PLXDC2: variants seen among roughly 807,000 people sequenced by gnomAD.
The protein encoded by PLXDC2 is plexin domain-containing protein 2.
Under a neutral mutation model 68.9 loss-of-function variants are expected in PLXDC2, and 40 were observed. The observed-to-expected ratio is 0.58, with a 90% CI of 0.45 to 0.76. The LOEUF is 0.76. Ranked by LOEUF, PLXDC2 falls within the 30% of genes least tolerant of loss-of-function variation. The probability of loss-of-function intolerance (pLI) is 0.00; values close to 1 mark genes in which losing one functional copy is unlikely to be tolerated. For missense variants in PLXDC2, 644 were observed against 661.9 expected (o/e 0.97, Z 0.30); for synonymous variants, 243 against 234.2 (o/e 1.04, Z -0.34).
At chr10:20,171,864 T>A (rs888927910) in intron 7 of PLXDC2, among the ~76,000 whole-genome samples, 8 of 151,998 alleles carry the variant, frequency 5.3e-5, no homozygotes, top group African/African-American at 1.9e-4. Context: ...AATCTCAGCA[T>A]TTTGGGAGGC....
At chr10:19,831,809 T>C (rs1442392359) in intron 1 of PLXDC2, among the ~76,000 whole-genome samples, 2 of 152,262 alleles carry the variant, frequency 1.3e-5, no homozygotes, top group Non-Finnish European at 2.9e-5. Flanking sequence ...TATCATATTT[T>C]CTTCATTCAG....
At chr10:20,203,691 A>G (rs940176997) in intron 9 of PLXDC2, among the ~76,000 whole-genome samples, 16 of 152,004 alleles carry the variant, frequency 1.1e-4, no homozygotes, top group East Asian at 5.8e-4. Flanking sequence ...TTGTAAATAC[A>G]TACATATTAG....
At chr10:19,980,383 G>T (rs189916431) in intron 1 of PLXDC2, among the ~76,000 whole-genome samples, 10 of 152,288 alleles carry the variant, frequency 6.6e-5, no homozygotes, top group Admixed American at 5.2e-4. Context: ...TCTTGTGTCA[G>T]CCTGTTAGGG....
At chr10:20,189,695 T>C (rs1186256322) in intron 9 of PLXDC2, among the ~76,000 whole-genome samples, 3 of 151,160 alleles carry the variant, frequency 2.0e-5, no homozygotes, top group Non-Finnish European at 4.4e-5. Flanking sequence ...AGATAGTACT[T>C]GACTTACTAG....
Position 20,275,919 on chromosome 10 carries a change from T to C in PLXDC2, c.1474-3784T>C, listed in dbSNP as rs564187269. 3.7e-4 allele frequency among the ~76,000 whole-genome samples: 56 copies of C among 149,614 alleles called. No homozygotes were observed. The South Asian group carries it at 0.012, about 31-fold the overall frequency. ...CAGAGTAAGACTCCATCTCAAAAAA[T>C]AATAATAATAAAATTAAATTAAAAA... On this transcript the variant is annotated intron_variant, in intron 13 of 13. Coordinates refer to ENST00000377252, the MANE Select transcript of PLXDC2 (RefSeq NM_032812.9).
chr10:20,012,334 TGG>T (rs113396531), intron 2 of PLXDC2, among the ~76,000 whole-genome samples: 25,620 of 37,292 alleles, frequency 0.69, 10,047 homozygotes, highest in African/African-American at 0.73. Flanking sequence ...TTTTTTTTTT[TGG>T]AGAAGGAGAC....
intron 1 of PLXDC2, among the ~76,000 whole-genome samples, chr10:19,852,480 C>G (rs1296964938): frequency 4.3e-5 from 6 of 140,078 alleles, no homozygotes; most frequent in African/African-American, 1.1e-4. Context: ...TCAATAGGCT[C>G]CTTTGCATAT....
intron 8 of PLXDC2, 114 bp from the exon 9 acceptor site, chr10:20,177,214 G>A: frequency 7.6e-7 from 1 of 1,316,244 alleles, no homozygotes; most frequent in Non-Finnish European, 1.1e-6. Flanking sequence ...TGGCATGCAT[G>A]GGCATTTTGC....
chr10:20,034,971 C>A (rs1156850895), intron 2 of PLXDC2, among the ~76,000 whole-genome samples: 1 of 152,152 alleles, frequency 6.6e-6, no homozygotes, highest in Non-Finnish European at 1.5e-5. Context: ...TGACACATTT[C>A]TCAGAAACTT....
At chr10:20,143,674 G>A (rs61843480) in intron 5 of PLXDC2, among the ~76,000 whole-genome samples, 29,184 of 151,844 alleles carry the variant, frequency 0.19, 3,438 homozygotes, top group East Asian at 0.4. Flanking sequence ...CAAAGCAAAC[G>A]CATTTATTTG....
chr10:20,202,771 T>C (rs1334535396), intron 9 of PLXDC2, among the ~76,000 whole-genome samples: 1 of 152,180 alleles, frequency 6.6e-6, no homozygotes, highest in African/African-American at 2.4e-5. Context: ...TTCTAAGTAG[T>C]ATTTTAAGAA....
chr10:20,086,177 C>CGA (rs1455381469), intron 4 of PLXDC2, among the ~76,000 whole-genome samples: 1 of 151,790 alleles, frequency 6.6e-6, no homozygotes, highest in Non-Finnish European at 1.5e-5. Flanking sequence ...TGCTTGTTGA[C>CGA]GAGACAGGGT....
chr10:20,170,430 T>A (rs568530370), intron 7 of PLXDC2, among the ~76,000 whole-genome samples: 2 of 152,184 alleles, frequency 1.3e-5, no homozygotes, highest in Non-Finnish European at 2.9e-5. Flanking sequence ...CCTCAAGTGA[T>A]CCTCCTGCTT....
intron 1 of PLXDC2, among the ~76,000 whole-genome samples, chr10:19,844,702 C>A (rs1836971182): frequency 6.6e-6 from 1 of 151,552 alleles, no homozygotes. Context: ...CTCAAGTGAT[C>A]CTCCCACCTC....
intron 1 of PLXDC2, among the ~76,000 whole-genome samples, chr10:19,965,011 A>G (rs1225403620): frequency 6.6e-6 from 1 of 152,184 alleles, no homozygotes; most frequent in Non-Finnish European, 1.5e-5. Flanking sequence ...CCCATTTCAG[A>G]GACAATATTT....
chr10:20,109,460 T>A (rs1833530704), intron 4 of PLXDC2, among the ~76,000 whole-genome samples: 1 of 151,446 alleles, frequency 6.6e-6, no homozygotes, highest in East Asian at 1.9e-4. Context: ...TCTCTTAAAC[T>A]GATACATTAC....
At chr10:19,954,962 C>T (rs1226007329) in intron 1 of PLXDC2, among the ~76,000 whole-genome samples, 1 of 151,990 alleles carries the variant, frequency 6.6e-6, no homozygotes, top group Non-Finnish European at 1.5e-5. Context: ...ATTATATTAC[C>T]TTCTTTCTCA....
At chr10:19,945,155 G>A (rs372995311) in intron 1 of PLXDC2, among the ~76,000 whole-genome samples, 85 of 152,306 alleles carry the variant, frequency 5.6e-4, no homozygotes, top group African/African-American at 1.9e-3. Flanking sequence ...AATATGTAAA[G>A]AGTCAGCTTT....
intron 4 of PLXDC2, among the ~76,000 whole-genome samples, chr10:20,085,878 C>G (rs989111009): frequency 1.3e-5 from 2 of 152,172 alleles, no homozygotes; most frequent in Admixed American, 1.3e-4. Flanking sequence ...AAAAATCATT[C>G]TATTTGCACC....
Sources: gnomAD v4.1 joint callset for allele counts (sites outside exome capture counted in the v4.1 genomes callset) on GRCh38, gnomAD v4.1.1 for gene constraint, MANE v1.5 for transcripts, NCBI Gene and HGNC (gene_info 2026-07-23, HGNC 2026-07-21) for gene names.